Variants in ANKRD17 observed in about 807,000 individuals in gnomAD.
ANKRD17 encodes the protein ankyrin repeat domain 17, also known as ankyrin repeat domain-containing protein 17.
Under a neutral mutation model 229.7 loss-of-function variants are expected in ANKRD17, and 19 were observed. The observed-to-expected ratio is 0.08, with a 90% CI of 0.06 to 0.12. The LOEUF is 0.12. Among genes scored for constraint, ANKRD17 ranks in the 10% least tolerant of loss-of-function variants. ANKRD17 has a pLI of 1.00. For synonymous variants in ANKRD17, 1,112 were observed against 1,146.1 expected, an observed-to-expected ratio of 0.97 and a Z score of 0.60; for missense variants, 2,176 against 3,176.8, an observed-to-expected ratio of 0.68 and a Z score of 7.57.
At chr4:73,143,600 G>A (rs1729875566) in intron 11 of ANKRD17, among the ~76,000 whole-genome samples, 1 of 152,158 alleles carries the variant, frequency 6.6e-6, no homozygotes, top group South Asian at 2.1e-4. Flanking sequence ...CAGTGCATGG[G>A]AAAATGTTGA....
intron 1 of ANKRD17, among the ~76,000 whole-genome samples, chr4:73,248,507 C>G (rs375485110): frequency 6.6e-6 from 1 of 151,766 alleles, no homozygotes; most frequent in Non-Finnish European, 1.5e-5. Flanking sequence ...TCTTCAAAAC[C>G]CTTATAATAC....
chr4:73,157,621 A>G (rs1048109009), intron 3 of ANKRD17, among the ~76,000 whole-genome samples: 2 of 152,162 alleles, frequency 1.3e-5, no homozygotes, highest in African/African-American at 4.8e-5. Flanking sequence ...TACTAAAGGC[A>G]CCTACAGATA....
At chr4:73,159,458 G>C (rs1315355461) in intron 3 of ANKRD17, among the ~76,000 whole-genome samples, 2 of 152,146 alleles carry the variant, frequency 1.3e-5, no homozygotes, top group African/African-American at 4.8e-5. Context: ...TGGGCGAAGG[G>C]CATATTAAGC....
chr4:73,081,360 G>C (rs539692619), intron 30 of ANKRD17, among the ~76,000 whole-genome samples: 1 of 147,696 alleles, frequency 6.8e-6, no homozygotes, highest in Admixed American at 6.7e-5. Context: ...AATCCTCTAA[G>C]AGAGAGAGAG....
At chr4:73,237,754 T>G (rs1743639547) in intron 1 of ANKRD17, among the ~76,000 whole-genome samples, 1 of 152,164 alleles carries the variant, frequency 6.6e-6, no homozygotes, top group Admixed American at 6.6e-5. Context: ...GAAAAGGACT[T>G]AAGAGTCAGA....
At chr4:73,147,106 C>G (rs147420040) in intron 9 of ANKRD17, 135 bp downstream of exon 9, 1 of 857,708 alleles carries the variant, frequency 1.2e-6, no homozygotes, top group Non-Finnish European at 1.7e-6. Context: ...GTTCAGAATA[C>G]ATACAAAGGT....
At chr4:73,185,611 T>C (rs1201753153) in intron 1 of ANKRD17, among the ~76,000 whole-genome samples, 1 of 152,104 alleles carries the variant, frequency 6.6e-6, no homozygotes, top group African/African-American at 2.4e-5. Flanking sequence ...ATGATTGATT[T>C]TTAGGACCAA....
chr4:73,113,624 G>A (rs1055670189), intron 24 of ANKRD17, among the ~76,000 whole-genome samples, 168 bp downstream of exon 24: 44 of 152,126 alleles, frequency 2.9e-4, no homozygotes, highest in African/African-American at 1.0e-3. Flanking sequence ...TTTCAATGAT[G>A]TTCAATGTAC....
chr4:73,237,528 T>G (rs1201632732), intron 1 of ANKRD17, among the ~76,000 whole-genome samples: 2 of 151,966 alleles, frequency 1.3e-5, no homozygotes, highest in Non-Finnish European at 2.9e-5. Context: ...GACTGTGAGG[T>G]GGGGATCTGG....
chr4:73,140,106 A>T lies in ANKRD17; in HGVS notation c.2510T>A (p.Leu837Gln), dbSNP rs778547036. ...CTTGGTAAGTTGGTCAGCATGAGCCAGTTCCAAGGACTGCAGCTGTGCATT... is the reference window on the plus strand; with the variant it reads ...CTTGGTAAGTTGGTCAGCATGAGCCTGTTCCAAGGACTGCAGCTGTGCATT... Reference protein sequence around the residue: ...EKNAQLQSLELAHADQLTKEK... With the variant: ...EKNAQLQSLEQAHADQLTKEK... Residue 837 changes from leucine to glutamine, a missense_variant, in exon 15 of 34, where the codon CTG becomes CAG. Around this residue, in one of 18 missense-constraint regions of ANKRD17, gnomAD observed 275 missense variants for 386.9 expected, o/e 0.71. Coordinates refer to ENST00000358602, the MANE Select transcript of ANKRD17 (RefSeq NM_032217.5). 1.2e-6 allele frequency: 2 copies of T among 1,614,064 alleles called. No individual in the cohort carries two copies. The highest frequency in any genetic ancestry group is 8.5e-7 in the Non-Finnish European group (1 of 1,180,046).
intron 1 of ANKRD17, among the ~76,000 whole-genome samples, chr4:73,229,334 T>G (rs565043163): frequency 3.3e-5 from 5 of 152,292 alleles, no homozygotes; most frequent in Non-Finnish European, 5.9e-5. Flanking sequence ...TCTAAAAAAG[T>G]TGAACTAATT....
Position 73,090,714 on chromosome 4 carries a change from G to A in ANKRD17, c.6914C>T (p.Ala2305Val), listed in dbSNP as rs751848311. Residue 2305 changes from alanine to valine, a missense_variant, in exon 29 of 34, where the codon GCT (alanine) becomes GTT (valine). Physicochemically the swap from Ala to Val is moderately conservative, Grantham distance 64. Around this residue, in one of 18 missense-constraint regions of ANKRD17, gnomAD observed 424 missense variants for 454.0 expected, o/e 0.93. Transcript: ENST00000358602. ...DPLHQSDTSKAPGFRPPLQRP... is the reference protein window; with the variant it reads ...DPLHQSDTSKVPGFRPPLQRP... ...CTGTAATGGTGGTCTAAAACCTGGA[G>A]CTTTGGAAGTATCAGACTGATGTAA... 1.9e-6 allele frequency: 3 copies of A among 1,614,184 alleles called. No individual in the cohort carries two copies. Among genetic ancestry groups the A allele is most frequent in the East Asian group, 4.5e-5 (2 of 44,878 alleles).
chr4:73,175,736 G>A (rs1474945219), intron 2 of ANKRD17, among the ~76,000 whole-genome samples: 2 of 152,080 alleles, frequency 1.3e-5, no homozygotes, highest in African/African-American at 4.8e-5. Flanking sequence ...ATGGTGCTGG[G>A]AAAGCTGGAT....
At chr4:73,133,768 A>T (rs1203670141) in intron 16 of ANKRD17, among the ~76,000 whole-genome samples, 1 of 152,008 alleles carries the variant, frequency 6.6e-6, no homozygotes, top group Non-Finnish European at 1.5e-5. Context: ...CACACCTGTA[A>T]TTCCAGCTAC....
intron 16 of ANKRD17, among the ~76,000 whole-genome samples, chr4:73,125,620 C>T (rs1443074100): frequency 2.0e-5 from 3 of 151,888 alleles, no homozygotes; most frequent in Non-Finnish European, 4.4e-5. Context: ...GTAGTCCCAG[C>T]TTCTTCGGAG....
Position 73,156,176 on chromosome 4 carries a change from A to G in ANKRD17, c.705-10T>C. On this transcript the variant is annotated splice_polypyrimidine_tract_variant and intron_variant, in intron 3 of 33. Coordinates refer to ENST00000358602, the MANE Select transcript of ANKRD17 (RefSeq NM_032217.5). ...TTCTGCCAAACTGCGGCTATTACGGAAAGAATATCACAATACCAGAATATA... is the reference window on the plus strand; with the variant it reads ...TTCTGCCAAACTGCGGCTATTACGGGAAGAATATCACAATACCAGAATATA... 2 of 1,584,558 alleles carry G rather than the reference A, an allele frequency of 1.3e-6. No homozygotes were observed. The highest frequency in any genetic ancestry group is 1.7e-6 in the Non-Finnish European group (2 of 1,171,698).
At position 73,073,587 on chromosome 4, in the gene ANKRD17, AC is replaced by A. The variant is rs906891755; in HGVS notation, c.*2643del. Reference sequence around the variant, plus strand: ...GACAGGATTAGTTAATAAGCTATTTACCTTTTCCAAAGGAGAAAAATGACTA... The same window carrying A: ...GACAGGATTAGTTAATAAGCTATTTACTTTTCCAAAGGAGAAAAATGACTA... On this transcript the variant is annotated 3_prime_UTR_variant, in exon 34 of 34. Transcript: ENST00000358602. 6.6e-6 allele frequency: 1 copy of A among 152,082 alleles called. No homozygotes were observed. Among genetic ancestry groups the A allele is most frequent in the Non-Finnish European group, 1.5e-5 (1 of 67,904 alleles). The allele number at this position is 152,082 out of a possible 1,614,324, so 9.4% of individuals were successfully genotyped here. A position where few individuals can be genotyped will look rare whatever the true frequency, so the allele number is the denominator to read the frequency against.
chr4:73,258,258 T>C lies in ANKRD17; in HGVS notation c.393+18A>G. 1.2e-6 allele frequency: 2 copies of C among 1,613,600 alleles called. No homozygotes were observed. Among genetic ancestry groups the C allele is most frequent in the East Asian group, 2.2e-5 (1 of 44,848 alleles). ...TACAGTCCCTTCCTCCCTCCTTCCT[T>C]TGAAACCAGGCCCTTGCCTCAGAAA... On this transcript the variant is annotated intron_variant, in intron 1 of 33. Coordinates refer to ENST00000358602, the MANE Select transcript of ANKRD17 (RefSeq NM_032217.5).
chr4:73,202,585 G>C (rs1401280204), intron 1 of ANKRD17, among the ~76,000 whole-genome samples: 4 of 152,054 alleles, frequency 2.6e-5, no homozygotes. Flanking sequence ...ATCCAGAAAG[G>C]CTACACATAC....
Sources: gnomAD v4.1 joint callset for allele counts (sites outside exome capture counted in the v4.1 genomes callset) on GRCh38, gnomAD v4.1.1 for gene constraint, gnomAD v4.1.1 regional missense constraint, MANE v1.5 for transcripts, NCBI Gene and HGNC (gene_info 2026-07-23, HGNC 2026-07-21) for gene names.